The following TRMT44 variants were observed in gnomAD, a reference collection of about 807,000 sequenced individuals.
The protein encoded by TRMT44 is tRNA methyltransferase 44 homolog.
TRMT44 carries 78 observed loss-of-function variants against 77.3 expected under a neutral mutation model. The observed-to-expected ratio is 1.01, with a 90% CI of 0.84 to 1.22. The LOEUF (loss-of-function observed/expected upper bound fraction) is 1.22, where lower values mean the gene tolerates loss of function less well. Among genes scored for constraint, TRMT44 ranks in the 50% most tolerant of loss-of-function variants. The pLI is 0.00. For synonymous variants in TRMT44, 391 were observed against 383.3 expected (o/e 1.02, Z -0.23); for missense variants, 1,090 against 964.4 (o/e 1.13, Z -1.73).
the TRMT44 span, among the ~76,000 whole-genome samples, chr4:8,515,780 C>T: frequency 0.018 from 2,717 of 152,316 alleles, 92 homozygotes; most frequent in African/African-American, 0.062. Context: ...TCCGCTCAAA[C>T]GTTCCCTCCC....
intron 6 of TRMT44, among the ~76,000 whole-genome samples, chr4:8,458,510 C>T (rs1725955689): frequency 6.9e-6 from 1 of 145,376 alleles, no homozygotes; most frequent in Non-Finnish European, 1.5e-5. Context: ...GTCGCCCAGG[C>T]TGGAGTGCAG....
chr4:8,484,947 GC>G (rs1275898379), intron 2 of TRMT44, among the ~76,000 whole-genome samples: 4 of 152,222 alleles, frequency 2.6e-5, no homozygotes, highest in African/African-American at 9.6e-5. Context: ...AGAAATTTGA[GC>G]TTTGGAGGGG....
At chr4:8,489,460 C>CGTTTCGTTTT (rs1727923962) in intron 2 of TRMT44, among the ~76,000 whole-genome samples, 1 of 150,338 alleles carries the variant, frequency 6.7e-6, no homozygotes, top group South Asian at 2.1e-4. Flanking sequence ...GTTTTGTTTT[C>CGTTTCGTTTT]GTTTTGTTTT....
rs895690647 is a variant in TRMT44, at chr4:8,471,259, A to C, written c.2044+59A>C. On this transcript the variant is annotated intron_variant, in intron 10 of 10. Transcript: ENST00000389737. ...CTTCTTTTTCCCCCTTTTTTCAGTT[A>C]AATAATGTTTTATTTTAGAGTGGTT... 4.9e-6 allele frequency: 6 copies of C among 1,226,568 alleles called. No homozygotes were observed. In the African/African-American group the frequency reaches 7.6e-5, roughly 16 times the overall value. 76.0% of individuals were successfully genotyped at this position (1,226,568 alleles called of 1,614,324 possible).
At chr4:8,504,349 G>T in the TRMT44 span, among the ~76,000 whole-genome samples, 1 of 152,082 alleles carries the variant, frequency 6.6e-6, no homozygotes, top group Admixed American at 6.5e-5. This position sits in a 1 kb window ranked among gnomAD's most constrained non-coding sequence, Gnocchi z 5.3. Flanking sequence ...TCCCCGCCAG[G>T]TACCCGCGCC....
intron 1 of TRMT44, among the ~76,000 whole-genome samples, chr4:8,443,378 G>A (rs1450097051): frequency 6.6e-6 from 1 of 152,176 alleles, no homozygotes; most frequent in African/African-American, 2.4e-5. Flanking sequence ...ACGTTTTCAG[G>A]ATTGCTTTCT....
chr4:8,463,730 C>T (rs1039950037), intron 6 of TRMT44, among the ~76,000 whole-genome samples: 5 of 152,128 alleles, frequency 3.3e-5, no homozygotes, highest in African/African-American at 1.2e-4. Context: ...GATCCAAAGG[C>T]GATTAGCACT....
intron 9 of TRMT44, among the ~76,000 whole-genome samples, chr4:8,468,761 A>G (rs569767970): frequency 1.3e-5 from 2 of 152,388 alleles, no homozygotes; most frequent in African/African-American, 2.4e-5. Flanking sequence ...TCCCCAAAAC[A>G]CAACAATCAT....
downstream of TRMT44, among the ~76,000 whole-genome samples, chr4:8,493,927 T>C (rs920946865): frequency 1.3e-5 from 2 of 150,336 alleles, no homozygotes; most frequent in Non-Finnish European, 3.0e-5. Flanking sequence ...CAATAATGAC[T>C]CTTACTGGTC....
the TRMT44 span, among the ~76,000 whole-genome samples, chr4:8,504,445 C>G: frequency 1.1e-4 from 16 of 152,146 alleles, no homozygotes; most frequent in African/African-American, 3.4e-4. The surrounding 1 kb of genome is among the most constrained non-coding windows in gnomAD (Gnocchi z 5.3). Context: ...TTTCAGCCAG[C>G]AGCTCCTGCC....
At position 8,467,325 on chromosome 4, in the gene TRMT44, G is replaced by A. The variant is rs1430630465; in HGVS notation, c.1495-589G>A. On this transcript the variant is annotated intron_variant, in intron 8 of 10. Coordinates refer to ENST00000389737, the MANE Select transcript of TRMT44 (RefSeq NM_152544.3). Reference sequence around the variant, plus strand: ...GGGAAACTAGGACGGTGCGGCTGCCGGGCCCAGGAGTGTGGACTCTTGAGT... The same window carrying A: ...GGGAAACTAGGACGGTGCGGCTGCCAGGCCCAGGAGTGTGGACTCTTGAGT... 3.3e-5 allele frequency among the ~76,000 whole-genome samples: 5 copies of A among 152,170 alleles called. No individual in the cohort carries two copies. In the East Asian group the frequency reaches 9.7e-4, roughly 29 times the overall value.
chr4:8,505,007 G>A, the TRMT44 span, among the ~76,000 whole-genome samples: 2 of 152,196 alleles, frequency 1.3e-5, no homozygotes, highest in East Asian at 1.9e-4. Flanking sequence ...GCTGCCCCCA[G>A]CCGCAGAGGA....
rs944061331 is a variant in TRMT44, at chr4:8,461,048, C to T, written c.1204-2937C>T. Among the ~76,000 whole-genome samples, 4 of 151,798 alleles carry T rather than the reference C, an allele frequency of 2.6e-5. No homozygotes were observed. The highest frequency in any genetic ancestry group is 4.4e-5 in the Non-Finnish European group (3 of 67,954). On this transcript the variant is annotated intron_variant, in intron 6 of 10. Coordinates refer to ENST00000389737, the MANE Select transcript of TRMT44 (RefSeq NM_152544.3). This position sits in a 1 kb window ranked among gnomAD's most constrained non-coding sequence, Gnocchi z 4.6. ...TTGTTTTTTGTTGAAACAGGGTCTT[C>T]CTATGTTGCCCAGGCTGGTCTCAAA... is the stretch of plus-strand genomic sequence containing the variant.
intron 10 of TRMT44, chr4:8,473,222 A>G (rs62287394): frequency 0.028 from 4,285 of 152,408 alleles, 69 homozygotes; most frequent in South Asian, 0.04. Context: ...AGCATGACCC[A>G]TGAGGGCCAC....
At chr4:8,485,385 C>G (rs1022219942) in intron 2 of TRMT44, among the ~76,000 whole-genome samples, 5 of 152,210 alleles carry the variant, frequency 3.3e-5, no homozygotes, top group Non-Finnish European at 5.9e-5. Flanking sequence ...CTGAACTAAT[C>G]TGTAAGACTT....
At chr4:8,501,214 A>G in the TRMT44 span, among the ~76,000 whole-genome samples, 1 of 152,136 alleles carries the variant, frequency 6.6e-6, no homozygotes, top group Admixed American at 6.5e-5. This position sits in a 1 kb window ranked among gnomAD's most constrained non-coding sequence, Gnocchi z 4.4. Flanking sequence ...GTGCATGTGC[A>G]GGGCGGGAGG....
In TRMT44 at chr4:8,476,012, T is replaced by A. The variant is rs1354949735; in HGVS notation, c.*11T>A. 1 of 1,612,056 alleles carries A rather than the reference T, an allele frequency of 6.2e-7. No homozygotes were observed. The highest frequency in any genetic ancestry group is 8.5e-7 in the Non-Finnish European group (1 of 1,178,808). ...AAGAAGATTTCATGAGCTGCATCCT[T>A]GCCAGCCGAGGCCTGGTTGGGGAGG... On this transcript the variant is annotated 3_prime_UTR_variant, in exon 11 of 11. Coordinates refer to ENST00000389737, the MANE Select transcript of TRMT44 (RefSeq NM_152544.3).
the TRMT44 span, among the ~76,000 whole-genome samples, chr4:8,501,632 A>T: frequency 3.3e-5 from 5 of 152,016 alleles, no homozygotes; most frequent in East Asian, 7.8e-4. This position sits in a 1 kb window ranked among gnomAD's most constrained non-coding sequence, Gnocchi z 4.4. Context: ...CAGACGGGAC[A>T]TTCCTTTGCT....
At chr4:8,443,052 A>T (rs1724849586) in intron 1 of TRMT44, among the ~76,000 whole-genome samples, 1 of 152,190 alleles carries the variant, frequency 6.6e-6, no homozygotes, top group South Asian at 2.1e-4. Flanking sequence ...TGCCTACCTC[A>T]GGCAGCAATT....
Sources: allele counts gnomAD v4.1 joint callset (sites outside exome capture counted in the v4.1 genomes callset), GRCh38; gene constraint gnomAD v4.1.1; non-coding constraint Gnocchi (gnomAD v3.1); transcripts MANE v1.5; gene names NCBI Gene and HGNC (gene_info 2026-07-23, HGNC 2026-07-21).